Variants in GOLGA4 observed in about 807,000 individuals in gnomAD.
GOLGA4 encodes the protein golgin A4.
Under a neutral mutation model 265.9 loss-of-function variants are expected in GOLGA4, and 169 were observed. That is an observed-to-expected ratio of 0.64 (90% confidence interval 0.56 to 0.72). The LOEUF is 0.72. Among genes scored for constraint, GOLGA4 ranks in the 30% least tolerant of loss-of-function variants. The pLI is 0.00. For missense variants in GOLGA4, 2,482 were observed against 2,483.4 expected, an observed-to-expected ratio of 1.00 and a Z score of 0.01; for synonymous variants, 923 against 855.8, an observed-to-expected ratio of 1.08 and a Z score of -1.37.
intron 7 of GOLGA4, among the ~76,000 whole-genome samples, chr3:37,297,843 A>G (rs888973583): frequency 6.6e-6 from 1 of 152,156 alleles, no homozygotes; most frequent in African/African-American, 2.4e-5. Context: ...TCTGGCCAAC[A>G]TGGTGAAACC....
At chr3:37,262,508 AAAG>A (rs1228634369) in intron 2 of GOLGA4, among the ~76,000 whole-genome samples, 1 of 150,164 alleles carries the variant, frequency 6.7e-6, no homozygotes, top group Non-Finnish European at 1.5e-5. Context: ...ATCTCAAAAA[AAAG>A]AAAAAAATCC....
intron 2 of GOLGA4, among the ~76,000 whole-genome samples, chr3:37,264,820 C>T (rs960970618): frequency 6.6e-6 from 1 of 152,116 alleles, no homozygotes; most frequent in Non-Finnish European, 1.5e-5. Flanking sequence ...CTCAGCCTCC[C>T]AGGTAGCTGG....
At chr3:37,319,349 G>A in intron 12 of GOLGA4, 155 bp downstream of exon 12, 1 of 506,214 alleles carries the variant, frequency 2.0e-6, no homozygotes, top group Non-Finnish European at 3.6e-6. Flanking sequence ...AGCTGTCAGA[G>A]CTTATTAGCT....
intron 2 of GOLGA4, among the ~76,000 whole-genome samples, chr3:37,260,194 T>C (rs1311534005): frequency 1.3e-5 from 2 of 151,686 alleles, no homozygotes; most frequent in Non-Finnish European, 2.9e-5. Flanking sequence ...TCTCATAATG[T>C]TTTAAGAAAG....
intron 21 of GOLGA4, among the ~76,000 whole-genome samples, chr3:37,352,426 G>A (rs1007008703): frequency 1.4e-4 from 22 of 151,900 alleles, no homozygotes; most frequent in Non-Finnish European, 2.5e-4. Context: ...GGGTAACTGC[G>A]CCCATGATTC....
chr3:37,291,887 T>A (rs931540019), intron 5 of GOLGA4, among the ~76,000 whole-genome samples: 22 of 152,182 alleles, frequency 1.4e-4, no homozygotes, highest in Non-Finnish European at 2.5e-4. Flanking sequence ...TTGTTGGTTT[T>A]TTTTTTTAAT....
chr3:37,299,437 G>T, intron 9 of GOLGA4, 66 bp downstream of exon 9: 1 of 905,018 alleles, frequency 1.1e-6, no homozygotes, highest in Non-Finnish European at 1.8e-6. Context: ...TTTGGAAACA[G>T]TTGGAAACAT....
chr3:37,326,905 T>C lies in GOLGA4; in HGVS notation c.5019T>C (p.His1673=). The C allele has an allele frequency of 6.2e-7, 1 of 1,613,798 alleles. No individual in the cohort carries two copies. Among genetic ancestry groups the C allele is most frequent in the Non-Finnish European group, 8.5e-7 (1 of 1,179,772 alleles). The change falls in exon 14 of 24, where the codon CAT becomes CAC. Residue 1673 remains histidine (H), a synonymous_variant. Transcript: ENST00000361924. ...EEQYKKGTES[H]LSELNTKLQE... ...AGTATAAAAAAGGTACAGAAAGCCA[T>C]TTGAGTGAGCTAAATACAAAATTGC...
chr3:37,362,329 C>T (rs1283538275), intron 23 of GOLGA4, among the ~76,000 whole-genome samples: 4 of 148,092 alleles, frequency 2.7e-5, no homozygotes, highest in Admixed American at 6.7e-5. Context: ...CTCCGCCTCC[C>T]GGGTTCACGC....
chr3:37,357,280 T>C (rs2097093302), intron 22 of GOLGA4, among the ~76,000 whole-genome samples: 1 of 152,126 alleles, frequency 6.6e-6, no homozygotes, highest in African/African-American at 2.4e-5. Flanking sequence ...CAAAGTCTCA[T>C]CCATCATTAT....
At chr3:37,334,536 T>TTCTG (rs1251891698) in intron 16 of GOLGA4, among the ~76,000 whole-genome samples, 7 of 152,168 alleles carry the variant, frequency 4.6e-5, no homozygotes, top group Non-Finnish European at 1.0e-4. Flanking sequence ...ACCCCGTAAC[T>TTCTG]TCTGTGATCA....
intron 22 of GOLGA4, among the ~76,000 whole-genome samples, chr3:37,357,076 GT>G (rs55851736): frequency 0.28 from 41,864 of 151,982 alleles, 7,221 homozygotes; most frequent in Non-Finnish European, 0.39. Context: ...GACAAAAAAG[GT>G]TTGTTTTTGT....
chr3:37,275,229 AAAAAAAAAAAAAG>A (rs2096812258), intron 2 of GOLGA4, among the ~76,000 whole-genome samples: 2 of 149,880 alleles, frequency 1.3e-5, no homozygotes, highest in Admixed American at 6.6e-5. Flanking sequence ...AAAAAAAAAA[AAAAAAAAAAAAAG>A]AAAAAAAAAA....
intron 23 of GOLGA4, 92 bp from the exon 24 acceptor site, chr3:37,365,988 A>C: frequency 9.0e-7 from 1 of 1,108,142 alleles, no homozygotes; most frequent in South Asian, 1.5e-5. Flanking sequence ...TTTATTTCAA[A>C]CTTGAAAAAA....
intron 20 of GOLGA4, among the ~76,000 whole-genome samples, chr3:37,340,835 A>C (rs1043367773): frequency 2.0e-4 from 31 of 152,142 alleles, no homozygotes; most frequent in African/African-American, 7.5e-4. Flanking sequence ...TTTTACAATG[A>C]ATATATTTTA....
intron 2 of GOLGA4, among the ~76,000 whole-genome samples, chr3:37,259,736 C>G (rs961419302): frequency 6.6e-6 from 1 of 152,170 alleles, no homozygotes; most frequent in Admixed American, 6.5e-5. Context: ...CGCAAAACCT[C>G]CTTGAATCTA....
At chr3:37,340,384 AT>A (rs1378064675) in intron 20 of GOLGA4, among the ~76,000 whole-genome samples, 185 bp downstream of exon 20, 9 of 152,132 alleles carry the variant, frequency 5.9e-5, no homozygotes, top group African/African-American at 2.2e-4. Context: ...TGAGTTATAG[AT>A]TCATTGTGGA....
At chr3:37,323,157 C>T (rs186456325) in intron 13 of GOLGA4, among the ~76,000 whole-genome samples, 1,665 of 122,804 alleles carry the variant, frequency 0.014, 30 homozygotes, top group African/African-American at 0.049. Flanking sequence ...AGAGGAGTCT[C>T]GCTTTGTTGC....
rs749123349 is a variant in GOLGA4 at position 37,324,629 on chromosome 3, C to A, written c.2743C>A (p.Gln915Lys). Residue 915 changes from glutamine to lysine, a missense_variant, in exon 14 of 24, where the codon CAA becomes AAA. Physicochemically the swap from Gln to Lys is moderately conservative, Grantham distance 53. Around this residue, in one of 3 missense-constraint regions of GOLGA4, gnomAD observed 1,536 missense variants for 1,483.7 expected, o/e 1.04. Coordinates refer to ENST00000361924, the MANE Select transcript of GOLGA4 (RefSeq NM_002078.5). ...GGTGGAAAAGGAAAATATGATTTTA[C>A]AAATGAGAGAAGGACAGAAGAAAGA... ...ILVEKENMIL[Q>K]MREGQKKEIE... 2.9e-5 allele frequency: 47 copies of A among 1,612,096 alleles called. No homozygotes were observed. The highest frequency in any genetic ancestry group is 3.6e-5 in the Non-Finnish European group (42 of 1,179,134).
Sources: allele counts gnomAD v4.1 joint callset (sites outside exome capture counted in the v4.1 genomes callset), GRCh38; gene constraint gnomAD v4.1.1; regional missense constraint gnomAD v4.1.1; transcripts MANE v1.5; gene names NCBI Gene and HGNC (gene_info 2026-07-23, HGNC 2026-07-21).